The following HECW1 variants were observed in gnomAD, a reference collection of about 807,000 sequenced individuals.
The protein encoded by HECW1 is E3 ubiquitin-protein ligase HECW1.
HECW1 carries 61 observed loss-of-function variants against 182.3 expected under a neutral mutation model. That is an observed-to-expected ratio of 0.33 (90% CI 0.27 to 0.41). The LOEUF (loss-of-function observed/expected upper bound fraction) is 0.41, where lower values mean the gene tolerates loss of function less well. HECW1 is among the 10% of genes least tolerant of loss of function. The pLI is 1.00. For synonymous variants in HECW1, 859 were observed against 832.6 expected (o/e 1.03, Z -0.55); for missense variants, 1,739 against 2,108.9 (o/e 0.82, Z 3.44).
At chr7:43,548,176 T>C (rs2081642521) in intron 26 of HECW1, among the ~76,000 whole-genome samples, 1 of 152,256 alleles carries the variant, frequency 6.6e-6, no homozygotes, top group South Asian at 2.1e-4. Flanking sequence ...TTTGTGTACA[T>C]TTTATGTTAG....
At chr7:43,443,223 A>G (rs1275644780) in intron 10 of HECW1, among the ~76,000 whole-genome samples, 1 of 152,174 alleles carries the variant, frequency 6.6e-6, no homozygotes, top group Non-Finnish European at 1.5e-5. Flanking sequence ...ATACATCTCA[A>G]TATAGATCAT....
At chr7:43,188,890 G>A (rs1408550098) in intron 2 of HECW1, among the ~76,000 whole-genome samples, 1 of 152,182 alleles carries the variant, frequency 6.6e-6, no homozygotes, top group African/African-American at 2.4e-5. Context: ...TTCATGAAAA[G>A]TCATCGGGGA....
intron 2 of HECW1, among the ~76,000 whole-genome samples, chr7:43,142,502 G>A (rs979486693): frequency 6.6e-6 from 1 of 152,128 alleles, no homozygotes; most frequent in Non-Finnish European, 1.5e-5. Context: ...CACCAGTCCT[G>A]GCTCTGGCTC....
intron 2 of HECW1, among the ~76,000 whole-genome samples, chr7:43,152,113 A>AG (rs1789393850): frequency 6.6e-6 from 1 of 152,254 alleles, no homozygotes; most frequent in Non-Finnish European, 1.5e-5. Flanking sequence ...TCCTTTGTGT[A>AG]GACAAACTAG....
chr7:43,520,669 C>G (rs2080426734), intron 24 of HECW1, among the ~76,000 whole-genome samples: 1 of 151,852 alleles, frequency 6.6e-6, no homozygotes, highest in South Asian at 2.1e-4. Context: ...AAAAAAAACA[C>G]AAAGGTTTCC....
At chr7:43,560,023 T>G (rs1303179869) in intron 29 of HECW1, among the ~76,000 whole-genome samples, 1 of 152,204 alleles carries the variant, frequency 6.6e-6, no homozygotes, top group African/African-American at 2.4e-5. Flanking sequence ...TTCTGTAATA[T>G]TTCCACTCAT....
chr7:43,383,974 G>T (rs1265714120), intron 6 of HECW1, among the ~76,000 whole-genome samples: 2 of 152,168 alleles, frequency 1.3e-5, no homozygotes, highest in African/African-American at 4.8e-5. Context: ...CATCATAAAG[G>T]TTTTCATCCT....
chr7:43,318,343 T>C (rs1454404313), intron 4 of HECW1, among the ~76,000 whole-genome samples: 1 of 152,220 alleles, frequency 6.6e-6, no homozygotes, highest in Non-Finnish European at 1.5e-5. Flanking sequence ...GCAATTACTG[T>C]AAAAGATGTA....
chr7:43,336,537 T>C (rs988975288), intron 5 of HECW1, among the ~76,000 whole-genome samples: 2 of 152,110 alleles, frequency 1.3e-5, no homozygotes, highest in Non-Finnish European at 2.9e-5. Context: ...ACTTTTTCTT[T>C]TCTTGTTTAT....
At chr7:43,128,102 A>G (rs2152616190) in intron 2 of HECW1, among the ~76,000 whole-genome samples, 1 of 152,222 alleles carries the variant, frequency 6.6e-6, no homozygotes, top group Non-Finnish European at 1.5e-5. Context: ...CTGGGCTCGA[A>G]CTGCTGGGCT....
At chr7:43,134,373 A>G (rs1191126738) in intron 2 of HECW1, among the ~76,000 whole-genome samples, 9 of 132,022 alleles carry the variant, frequency 6.8e-5, no homozygotes, top group African/African-American at 2.5e-4. Flanking sequence ...CAGTGTGGGT[A>G]AGAGAGTGAG....
At chr7:43,239,519 A>C (rs1278518274) in intron 2 of HECW1, among the ~76,000 whole-genome samples, 1 of 152,172 alleles carries the variant, frequency 6.6e-6, no homozygotes, top group Non-Finnish European at 1.5e-5. Context: ...GCGGGCCGTA[A>C]ATTTCCTTGA....
intron 8 of HECW1, among the ~76,000 whole-genome samples, chr7:43,427,910 T>C (rs971548610): frequency 2.0e-5 from 3 of 152,214 alleles, no homozygotes; most frequent in African/African-American, 7.2e-5. Context: ...CCAGTGTTTT[T>C]GTTTTTAAGG....
chr7:43,270,767 G>T (rs1299158681), intron 3 of HECW1, among the ~76,000 whole-genome samples: 2 of 152,168 alleles, frequency 1.3e-5, no homozygotes, highest in East Asian at 1.9e-4. Flanking sequence ...GAATTAAAAA[G>T]AGTTAAATAA....
At chr7:43,136,358 A>G (rs1451025199) in intron 2 of HECW1, among the ~76,000 whole-genome samples, 1 of 152,198 alleles carries the variant, frequency 6.6e-6, no homozygotes, top group Non-Finnish European at 1.5e-5. Context: ...TTCCTGGGTA[A>G]TAATATAAGA....
chr7:43,507,602 A>G (rs1754378457), intron 22 of HECW1, among the ~76,000 whole-genome samples: 1 of 152,156 alleles, frequency 6.6e-6, no homozygotes, highest in Non-Finnish European at 1.5e-5. Flanking sequence ...TATTCTTGGG[A>G]AAAAAATTTA....
intron 8 of HECW1, among the ~76,000 whole-genome samples, chr7:43,437,232 T>C (rs1333064283): frequency 2.6e-5 from 4 of 152,240 alleles, no homozygotes; most frequent in Non-Finnish European, 4.4e-5. Flanking sequence ...TGTCTTTTCA[T>C]GTCTGTGTAT....
intron 3 of HECW1, 146 bp downstream of exon 3, chr7:43,244,078 C>T (rs1010909819): frequency 1.4e-6 from 1 of 727,442 alleles, no homozygotes; most frequent in African/African-American, 1.7e-5. Context: ...CATTTGAGAT[C>T]CATCACCCTC....
chr7:43,444,646 A>G lies in HECW1; in HGVS notation c.1474A>G (p.Thr492Ala). ...GGAGGAGCCCTTGGAGGAGGAAGCA[A>G]CGACCCAGAGCCGGGCTGGAAGGGA... ...TKEEPLEEEA[T>A]TQSRAGREEE... Residue 492 changes from threonine (T) to alanine (A), a missense_variant, in exon 11 of 30, where the codon ACG (threonine) becomes GCG (alanine). Around this residue, in one of 5 missense-constraint regions of HECW1, gnomAD observed 971 missense variants for 1,029.1 expected, o/e 0.94. Transcript: ENST00000395891. The surrounding 1 kb of genome is among the most constrained non-coding windows in gnomAD (Gnocchi z 4.3). 1.2e-6 allele frequency: 2 copies of G among 1,608,180 alleles called. No homozygotes were observed. Among genetic ancestry groups the G allele is most frequent in the Non-Finnish European group, 1.7e-6 (2 of 1,177,252 alleles).
Sources: allele counts gnomAD v4.1 joint callset (sites outside exome capture counted in the v4.1 genomes callset), GRCh38; gene constraint gnomAD v4.1.1; regional missense constraint gnomAD v4.1.1; non-coding constraint Gnocchi (gnomAD v3.1); transcripts MANE v1.5; gene names NCBI Gene and HGNC (gene_info 2026-07-23, HGNC 2026-07-21).